GLCCI1: variants seen among roughly 807,000 people sequenced by gnomAD.
GLCCI1 encodes glucocorticoid induced 1.
GLCCI1 carries 24 observed loss-of-function variants against 52.2 expected under a neutral mutation model. The observed-to-expected ratio is 0.46, with a 90% CI of 0.33 to 0.65. GLCCI1 has a LOEUF of 0.65. GLCCI1 is among the 30% of genes least tolerant of loss of function. The pLI is 0.02. For missense variants in GLCCI1, 704 were observed against 701.5 expected, an observed-to-expected ratio of 1.00 and a Z score of -0.04; for synonymous variants, 310 against 276.5, an observed-to-expected ratio of 1.12 and a Z score of -1.20.
intron 3 of GLCCI1, among the ~76,000 whole-genome samples, chr7:8,053,944 T>G (rs920933940): frequency 5.3e-5 from 8 of 152,190 alleles, no homozygotes; most frequent in Non-Finnish European, 8.8e-5. Context: ...TTCAGGGGTT[T>G]GTTAAGTTGG....
intron 6 of GLCCI1, among the ~76,000 whole-genome samples, chr7:8,080,996 A>G (rs190240185): frequency 2.0e-5 from 3 of 152,030 alleles, no homozygotes; most frequent in Non-Finnish European, 4.4e-5. Flanking sequence ...CCTTTTACAT[A>G]TATTTTTCAC....
chr7:8,055,553 G>C lies in GLCCI1; in HGVS notation c.813+4G>C, dbSNP rs551425718. On this transcript the variant is annotated splice_donor_region_variant and intron_variant, in intron 4 of 7. Transcript: ENST00000223145. Reference sequence around the variant, plus strand: ...TATAACAATCAGTCACACTCAGGTAGGCTAACTTCTTGTCCAGATTTGAAT... The same window carrying C: ...TATAACAATCAGTCACACTCAGGTACGCTAACTTCTTGTCCAGATTTGAAT... The C allele has an allele frequency of 6.6e-7, 1 of 1,514,152 alleles. No individual in the cohort carries two copies. Among genetic ancestry groups the C allele is most frequent in the African/African-American group, 1.4e-5 (1 of 73,096 alleles). 93.8% of individuals were successfully genotyped at this position (1,514,152 alleles called of 1,614,324 possible). A position where few individuals can be genotyped will look rare whatever the true frequency, so the allele number is the denominator to read the frequency against.
At position 8,023,588 on chromosome 7, in the gene GLCCI1, C is replaced by CTTTTTTT. The variant is rs571726894; in HGVS notation, c.696+1041_696+1047dup. Among the ~76,000 whole-genome samples the CTTTTTTT allele has an allele frequency of 1.7e-3, 73 of 41,992 alleles. 12 individuals are homozygous for CTTTTTTT. Among genetic ancestry groups the CTTTTTTT allele is most frequent in the South Asian group, 2.7e-3 (3 of 1,102 alleles). 27.5% of individuals were successfully genotyped at this position (41,992 alleles called of 152,430 possible). Reference sequence around the variant, plus strand: ...AGATGGTCATCTAATCTCTGTTATTCTTTTTTTTTTTTTTTTTTTTTTTTT... The same window carrying CTTTTTTT: ...AGATGGTCATCTAATCTCTGTTATTCTTTTTTTTTTTTTTTTTTTTTTTTTTTTTTTT... On this transcript the variant is annotated intron_variant, in intron 3 of 7. Coordinates refer to ENST00000223145, the MANE Select transcript of GLCCI1 (RefSeq NM_138426.4).
chr7:8,033,137 A>G (rs1211574608), intron 3 of GLCCI1, among the ~76,000 whole-genome samples: 2 of 152,078 alleles, frequency 1.3e-5, no homozygotes, highest in Non-Finnish European at 2.9e-5. Context: ...TATTAATAGA[A>G]TAAAGGACAT....
At chr7:8,075,809 T>C (rs1782864085) in intron 6 of GLCCI1, among the ~76,000 whole-genome samples, 1 of 152,244 alleles carries the variant, frequency 6.6e-6, no homozygotes, top group Non-Finnish European at 1.5e-5. Flanking sequence ...AATTGATTAC[T>C]TGTAATTTAA....
intron 3 of GLCCI1, among the ~76,000 whole-genome samples, chr7:8,041,883 C>T (rs745603255): frequency 1.3e-5 from 2 of 152,152 alleles, no homozygotes; most frequent in Non-Finnish European, 2.9e-5. Context: ...TGAGCCACCA[C>T]ACGCAGCTGC....
chr7:7,971,229 C>T (rs559773724), intron 1 of GLCCI1, among the ~76,000 whole-genome samples: 5 of 152,296 alleles, frequency 3.3e-5, no homozygotes, highest in African/African-American at 1.2e-4. Flanking sequence ...AACTGACATC[C>T]TCCAGCAAAT....
chr7:8,013,991 C>CTTT (rs561039125), intron 2 of GLCCI1, among the ~76,000 whole-genome samples: 10 of 133,284 alleles, frequency 7.5e-5, no homozygotes, highest in African/African-American at 1.1e-4. Context: ...AAGGCCTTGA[C>CTTT]TTTTTTTTTT....
At chr7:7,995,366 T>A (rs923363407) in intron 1 of GLCCI1, among the ~76,000 whole-genome samples, 22 of 152,080 alleles carry the variant, frequency 1.4e-4, no homozygotes, top group African/African-American at 5.1e-4. Context: ...AAAAATTAGC[T>A]GGGCGTGGTA....
chr7:8,058,247 A>G (rs550567088), intron 4 of GLCCI1, among the ~76,000 whole-genome samples: 2 of 152,358 alleles, frequency 1.3e-5, no homozygotes, highest in South Asian at 2.1e-4. Context: ...CTTTGAGAAC[A>G]TGAAATATAA....
intron 1 of GLCCI1, among the ~76,000 whole-genome samples, chr7:7,995,058 A>C (rs11982846): frequency 7.5e-4 from 115 of 152,348 alleles, no homozygotes; most frequent in African/African-American, 2.6e-3. Context: ...GTATGTATGG[A>C]CATCAATCCC....
At chr7:7,992,726 A>G (rs1189525688) in intron 1 of GLCCI1, among the ~76,000 whole-genome samples, 4 of 151,886 alleles carry the variant, frequency 2.6e-5, no homozygotes, top group Admixed American at 1.3e-4. Flanking sequence ...TTCTTTGCCT[A>G]TGTTACATAT....
intron 1 of GLCCI1, 31 bp from the exon 2 acceptor site, chr7:8,003,877 A>T (rs202234751): frequency 1.9e-5 from 31 of 1,590,554 alleles, no homozygotes; most frequent in Non-Finnish European, 2.6e-5. Flanking sequence ...TTTATTCACT[A>T]ATGACTAATC....
At chr7:8,028,119 A>T (rs1266847862) in intron 3 of GLCCI1, among the ~76,000 whole-genome samples, 2 of 152,214 alleles carry the variant, frequency 1.3e-5, no homozygotes, top group Non-Finnish European at 2.9e-5. Flanking sequence ...GACCTAATAG[A>T]TATTTACAGA....
intron 2 of GLCCI1, among the ~76,000 whole-genome samples, chr7:8,006,531 A>G (rs577865774): frequency 6.6e-6 from 1 of 152,230 alleles, no homozygotes; most frequent in Non-Finnish European, 1.5e-5. Context: ...TACTATATAC[A>G]CATTTAAGTT....
intron 6 of GLCCI1, among the ~76,000 whole-genome samples, chr7:8,076,696 C>A (rs1345227918): frequency 6.6e-6 from 1 of 152,120 alleles, no homozygotes; most frequent in African/African-American, 2.4e-5. Flanking sequence ...TTTTAACATA[C>A]CTGCATATAT....
chr7:7,980,452 A>G (rs990225763), intron 1 of GLCCI1: 6 of 278,304 alleles, frequency 2.2e-5, no homozygotes, highest in Non-Finnish European at 4.0e-5. Context: ...AAGCATCTAG[A>G]AGGTACTCGC....
Position 8,055,685 on chromosome 7 carries a change from A to C in GLCCI1, c.813+136A>C. ...ACTAGTTTGTTAAATTGTTATAAAA[A>C]GATTGTTAGAAAGCAGCCGGGCGGC... On this transcript the variant is annotated intron_variant, in intron 4 of 7. Coordinates refer to ENST00000223145, the MANE Select transcript of GLCCI1 (RefSeq NM_138426.4). 4.6e-6 allele frequency: 3 copies of C among 646,884 alleles called. No individual in the cohort carries two copies. The South Asian group carries it at 5.6e-5, about 12-fold the overall frequency. 40.1% of individuals were successfully genotyped at this position (646,884 alleles called of 1,614,324 possible). A position where few individuals can be genotyped will look rare whatever the true frequency, so the allele number is the denominator to read the frequency against.
chr7:8,029,222 A>C (rs1361179858), intron 3 of GLCCI1, among the ~76,000 whole-genome samples: 1 of 152,198 alleles, frequency 6.6e-6, no homozygotes, highest in East Asian at 1.9e-4. Context: ...CTAGCAAACC[A>C]AATTCAGCAA....
Sources: allele counts gnomAD v4.1 joint callset (sites outside exome capture counted in the v4.1 genomes callset), GRCh38; gene constraint gnomAD v4.1.1; transcripts MANE v1.5; gene names NCBI Gene and HGNC (gene_info 2026-07-23, HGNC 2026-07-21).